The following FGF12 variants were observed in gnomAD, a reference collection of about 807,000 sequenced individuals.
The protein encoded by FGF12 is fibroblast growth factor 12B.
In FGF12, 14 loss-of-function variants were observed where a neutral mutation model predicts 23.6. That is an observed-to-expected ratio of 0.59 (90% confidence interval 0.39 to 0.93). The LOEUF (loss-of-function observed/expected upper bound fraction) is 0.93, where lower values mean the gene tolerates loss of function less well. Ranked by LOEUF, FGF12 falls within the 40% of genes least tolerant of loss-of-function variation. The probability of loss-of-function intolerance (pLI) is 0.00; values close to 1 mark genes in which losing one functional copy is unlikely to be tolerated. For missense variants in FGF12, 175 were observed against 217.8 expected, an observed-to-expected ratio of 0.80 and a Z score of 1.24; for synonymous variants, 62 against 77.3, an observed-to-expected ratio of 0.80 and a Z score of 1.04.
chr3:192,682,804 G>C (rs1176719368), intron 2 of FGF12, among the ~76,000 whole-genome samples: 1 of 152,120 alleles, frequency 6.6e-6, no homozygotes, highest in South Asian at 2.1e-4. Flanking sequence ...TTGAGCCATG[G>C]GTCAGAAGGA....
At chr3:192,707,367 T>C (rs1041796315) in intron 2 of FGF12, among the ~76,000 whole-genome samples, 4 of 152,092 alleles carry the variant, frequency 2.6e-5, no homozygotes, top group African/African-American at 9.7e-5. Flanking sequence ...ATCCAGTCTT[T>C]GTCAAGAAGG....
chr3:192,651,804 T>A (rs2108676562), intron 2 of FGF12, among the ~76,000 whole-genome samples: 1 of 152,312 alleles, frequency 6.6e-6, no homozygotes, highest in African/African-American at 2.4e-5. Flanking sequence ...GTTAGGACCC[T>A]TTGATTTAGA....
At chr3:192,175,959 C>T (rs895370178) in intron 4 of FGF12, among the ~76,000 whole-genome samples, 5 of 152,186 alleles carry the variant, frequency 3.3e-5, no homozygotes, top group African/African-American at 1.2e-4. Flanking sequence ...TCTACCACTG[C>T]CCAGGAAAAG....
Position 192,595,033 on chromosome 3 carries a change from T to G in FGF12, c.13+132148A>C, listed in dbSNP as rs1036299412. Among the ~76,000 whole-genome samples, 5 of 152,230 alleles carry G rather than the reference T, an allele frequency of 3.3e-5. 1 individual carries two copies. Among genetic ancestry groups the G allele is most frequent in the African/African-American group, 1.2e-4 (5 of 41,458 alleles). On this transcript the variant is annotated intron_variant, in intron 2 of 5. Transcript: ENST00000445105. ...ATTGAGTGATTGTAAATTATTTTTG[T>G]ACAATAGAATAAATAACTCCATAGG...
At chr3:192,563,350 A>G (rs1712131785) in intron 2 of FGF12, among the ~76,000 whole-genome samples, 1 of 152,204 alleles carries the variant, frequency 6.6e-6, no homozygotes, top group Non-Finnish European at 1.5e-5. Flanking sequence ...ATGGTTCACC[A>G]GGCTCTTTAT....
intron 2 of FGF12, among the ~76,000 whole-genome samples, chr3:192,613,107 G>C (rs1369017217): frequency 6.6e-6 from 1 of 151,440 alleles, no homozygotes; most frequent in African/African-American, 2.4e-5. Flanking sequence ...TTTTTGTTTT[G>C]TTTTATTTTG....
chr3:192,155,548 T>C (rs1167251459), intron 5 of FGF12, among the ~76,000 whole-genome samples: 1 of 152,152 alleles, frequency 6.6e-6, no homozygotes, highest in African/African-American at 2.4e-5. Context: ...TTAAGAAGCC[T>C]AAACAAACAA....
chr3:192,706,639 C>T (rs1718481081), intron 2 of FGF12, among the ~76,000 whole-genome samples: 1 of 152,110 alleles, frequency 6.6e-6, no homozygotes, highest in Non-Finnish European at 1.5e-5. Context: ...TACTTTCTCT[C>T]CTTGAATCCC....
chr3:192,530,058 T>G (rs563392341), intron 2 of FGF12, among the ~76,000 whole-genome samples: 2 of 152,296 alleles, frequency 1.3e-5, no homozygotes, highest in East Asian at 3.9e-4. Context: ...ACCATTACAT[T>G]TATTCCTCTT....
Position 192,628,111 on chromosome 3 carries a change from T to A in FGF12, c.13+99070A>T, listed in dbSNP as rs1356973879. Reference sequence around the variant, plus strand: ...GAACGTGATTATACAGTAAATAACCTTTGGTGACTGGCTTTTTTCACTCAG... The same window carrying A: ...GAACGTGATTATACAGTAAATAACCATTGGTGACTGGCTTTTTTCACTCAG... On this transcript the variant is annotated intron_variant, in intron 2 of 5. Coordinates refer to ENST00000445105, the MANE Select transcript of FGF12 (RefSeq NM_004113.6). 5.3e-5 allele frequency among the ~76,000 whole-genome samples: 8 copies of A among 152,120 alleles called. 1 individual carries two copies. Among genetic ancestry groups the A allele is most frequent in the Non-Finnish European group, 1.2e-4 (8 of 67,988 alleles).
At chr3:192,331,592 A>G (rs1462490642) in intron 4 of FGF12, among the ~76,000 whole-genome samples, 1 of 152,162 alleles carries the variant, frequency 6.6e-6, no homozygotes, top group Admixed American at 6.6e-5. Context: ...AGCCAGTTAC[A>G]AAATGCACAA....
At chr3:192,458,976 AG>A (rs1722771708) in intron 2 of FGF12, among the ~76,000 whole-genome samples, 1 of 152,100 alleles carries the variant, frequency 6.6e-6, no homozygotes, top group Non-Finnish European at 1.5e-5. Context: ...TGGGTTTATC[AG>A]GGGTTTCTGC....
At chr3:192,540,989 A>G (rs1488500560) in intron 2 of FGF12, among the ~76,000 whole-genome samples, 2 of 152,108 alleles carry the variant, frequency 1.3e-5, no homozygotes, top group African/African-American at 4.8e-5. Context: ...TGCATGCAAT[A>G]TATTTTTCCA....
chr3:192,313,488 C>A (rs556688776), intron 4 of FGF12, among the ~76,000 whole-genome samples: 21 of 152,306 alleles, frequency 1.4e-4, no homozygotes, highest in Admixed American at 2.0e-4. Flanking sequence ...AGTAGTAATG[C>A]TTATTCATCC....
At chr3:192,714,769 C>T (rs1718814148) in intron 2 of FGF12, among the ~76,000 whole-genome samples, 1 of 152,106 alleles carries the variant, frequency 6.6e-6, no homozygotes, top group East Asian at 1.9e-4. Context: ...CCGCCCGCCT[C>T]GGCCTCCCAA....
intron 2 of FGF12, among the ~76,000 whole-genome samples, chr3:192,703,438 ATGCTCATGGCTGC>A (rs1277526410): frequency 1.9e-4 from 29 of 152,326 alleles, no homozygotes; most frequent in African/African-American, 6.7e-4. Flanking sequence ...TCTGGCCTTG[ATGCTCATGGCTGC>A]TGATTGATCA....
intron 2 of FGF12, among the ~76,000 whole-genome samples, chr3:192,696,154 T>C (rs1430456765): frequency 2.6e-5 from 3 of 115,844 alleles, no homozygotes; most frequent in African/African-American, 1.4e-4. Flanking sequence ...TAAGCTCAGC[T>C]TTTTTTTTTT....
At chr3:192,424,086 C>CA (rs5855425) in intron 2 of FGF12, among the ~76,000 whole-genome samples, 72,831 of 147,386 alleles carry the variant, frequency 0.49, 18,345 homozygotes, top group South Asian at 0.58. Flanking sequence ...ATAAAGTCTT[C>CA]AAAAAAAAAA....
chr3:192,340,505 T>C (rs56719924), intron 3 of FGF12, among the ~76,000 whole-genome samples: 2,611 of 152,274 alleles, frequency 0.017, 66 homozygotes, highest in African/African-American at 0.059. Context: ...ATATGCCAAA[T>C]AGAGTCCAAG....
Sources: allele counts gnomAD v4.1 joint callset (sites outside exome capture counted in the v4.1 genomes callset), GRCh38; gene constraint gnomAD v4.1.1; transcripts MANE v1.5; gene names NCBI Gene and HGNC (gene_info 2026-07-23, HGNC 2026-07-21).